The following TNKS2 variants were observed in gnomAD, a reference collection of about 807,000 sequenced individuals.
TNKS2 encodes poly [ADP-ribose] polymerase tankyrase-2.
A neutral mutation model predicts 137.6 loss-of-function variants in TNKS2; 72 were observed. The observed-to-expected ratio is 0.52, with a 90% confidence interval of 0.43 to 0.64. The LOEUF (loss-of-function observed/expected upper bound fraction) is 0.64, where lower values mean the gene tolerates loss of function less well. Among genes scored for constraint, TNKS2 ranks in the 30% least tolerant of loss-of-function variants. The pLI is 0.00. For missense variants in TNKS2, 1,049 were observed against 1,410.2 expected, an observed-to-expected ratio of 0.74 and a Z score of 4.10; for synonymous variants, 516 against 512.1, an observed-to-expected ratio of 1.01 and a Z score of -0.10.
chr10:91,822,501 A>G, intron 7 of TNKS2, 139 bp downstream of exon 7: 1 of 637,002 alleles, frequency 1.6e-6, no homozygotes, highest in Admixed American at 2.8e-5. Context: ...GCATTATAAA[A>G]TATAGGTGAC....
chr10:91,855,250 G>A, intron 22 of TNKS2, 124 bp downstream of exon 22: 1 of 673,090 alleles, frequency 1.5e-6, no homozygotes, highest in Non-Finnish European at 2.6e-6. Flanking sequence ...CTGTTTTCAA[G>A]CTGATTATCT....
intron 1 of TNKS2, chr10:91,812,677 A>G (rs574312416): frequency 1.5e-6 from 1 of 653,070 alleles, no homozygotes; most frequent in African/African-American, 2.0e-5. Context: ...ACTCTATTGT[A>G]GAGTGAGAAA....
At chr10:91,800,181 AGAAG>A (rs1470863184) in intron 1 of TNKS2, among the ~76,000 whole-genome samples, 1 of 152,206 alleles carries the variant, frequency 6.6e-6, no homozygotes, top group Non-Finnish European at 1.5e-5. Context: ...CAATGGAAAG[AGAAG>A]GAAGAATACT....
intron 1 of TNKS2, chr10:91,807,098 G>A (rs1331012094): frequency 6.9e-7 from 1 of 1,455,956 alleles, no homozygotes. Context: ...GTTACATAAA[G>A]TACTTTCTGT....
intron 20 of TNKS2, among the ~76,000 whole-genome samples, chr10:91,850,943 A>C (rs898400125): frequency 2.4e-4 from 36 of 152,270 alleles, no homozygotes; most frequent in Non-Finnish European, 2.9e-4. Context: ...CCATTGAAAG[A>C]CATTATATAA....
chr10:91,848,492 A>C lies in TNKS2; in HGVS notation c.2468A>C (p.Asp823Ala). The C allele has an allele frequency of 6.2e-7, 1 of 1,614,104 alleles. No homozygotes were observed. ...NGVRSPGATA[D>A]ALSSGPSSPS... ...GTGAGAAGCCCAGGAGCCACTGCAG[A>C]TGCTCTCTCTTCAGGTCCATCTAGC... Residue 823 changes from aspartate to alanine, a missense_variant, in exon 19 of 27, where the codon GAT becomes GCT. Transcript: ENST00000371627.
At chr10:91,822,095 A>C (rs1844908572) in intron 6 of TNKS2, among the ~76,000 whole-genome samples, 1 of 152,240 alleles carries the variant, frequency 6.6e-6, no homozygotes, top group Non-Finnish European at 1.5e-5. Flanking sequence ...AGGAACATGG[A>C]TTTGAAAGAG....
At chr10:91,848,767 A>G (rs1406925066) in intron 19 of TNKS2, 132 bp downstream of exon 19, 3 of 1,029,216 alleles carry the variant, frequency 2.9e-6, no homozygotes, top group Non-Finnish European at 4.2e-6. Flanking sequence ...AGCCTTAAAA[A>G]GGTTTAACCT....
intron 7 of TNKS2, 107 bp downstream of exon 7, chr10:91,822,469 A>G: frequency 1.2e-6 from 1 of 827,178 alleles, no homozygotes. Context: ...CTTAGTGCTT[A>G]AAAAAGTAGA....
chr10:91,834,307 G>T (rs1841927122), intron 12 of TNKS2, among the ~76,000 whole-genome samples: 1 of 152,102 alleles, frequency 6.6e-6, no homozygotes, highest in Non-Finnish European at 1.5e-5. Flanking sequence ...AGATAAAATG[G>T]TTGCTATTTA....
chr10:91,819,282 A>T lies in TNKS2; in HGVS notation c.533A>T (p.Lys178Ile). ...TTCTAATTCACAGGTGAATATAAGA[A>T]AGATGAACTCTTAGAAAGTGCCAGG... ...AKAVLTGEYK[K>I]DELLESARSG... The change falls in exon 4 of 27, where the codon AAA (lysine) becomes ATA (isoleucine). Residue 178 changes from lysine (K) to isoleucine (I), a missense_variant. Coordinates refer to ENST00000371627, the MANE Select transcript of TNKS2 (RefSeq NM_025235.4). 1 of 1,460,652 alleles carries T rather than the reference A, an allele frequency of 6.8e-7. No individual in the cohort carries two copies. 90.5% of individuals were successfully genotyped at this position (1,460,652 alleles called of 1,614,324 possible). A position where few individuals can be genotyped will look rare whatever the true frequency, so the allele number is the denominator to read the frequency against.
intron 21 of TNKS2, among the ~76,000 whole-genome samples, chr10:91,853,675 C>T (rs574975155): frequency 1.3e-5 from 2 of 152,334 alleles, no homozygotes; most frequent in African/African-American, 4.8e-5. Context: ...CTCAGTCAAG[C>T]ATTTGTCACA....
intron 1 of TNKS2, among the ~76,000 whole-genome samples, chr10:91,806,360 A>G (rs1844326721): frequency 1.3e-5 from 2 of 152,140 alleles, no homozygotes; most frequent in South Asian, 4.1e-4. Flanking sequence ...GGGGTGTCAC[A>G]GAAGTATGCA....
intron 21 of TNKS2, among the ~76,000 whole-genome samples, chr10:91,851,537 C>A (rs190712522): frequency 6.6e-6 from 1 of 152,240 alleles, no homozygotes; most frequent in Admixed American, 6.5e-5. Context: ...CGATGTGAAC[C>A]TAAGTAAAAT....
At chr10:91,835,278 T>C (rs1408782719) in intron 12 of TNKS2, among the ~76,000 whole-genome samples, 1 of 147,498 alleles carries the variant, frequency 6.8e-6, no homozygotes, top group Non-Finnish European at 1.5e-5. Context: ...CCATTTCTCT[T>C]TTTTTTCTTT....
At chr10:91,849,727 CCTT>C in intron 20 of TNKS2, 133 bp downstream of exon 20, 1 of 661,990 alleles carries the variant, frequency 1.5e-6, no homozygotes, top group Non-Finnish European at 2.4e-6. Context: ...CATCAGTCAG[CCTT>C]CTAATTTGGC....
Position 91,831,159 on chromosome 10 carries a change from TAGTGGTG to T in TNKS2, c.1255_1261del (p.Val419AsnfsTer33). ...AAAGCTCATAATGATGTTGTTGAAG[TAGTGGTG>T]AAACATGAAGCAAAGGTATACTTCC... On this transcript the variant is annotated frameshift_variant, in exon 11 of 27. Coordinates refer to ENST00000371627, the MANE Select transcript of TNKS2 (RefSeq NM_025235.4). LOFTEE classifies it high-confidence loss of function. 1 of 1,613,982 alleles carries T rather than the reference TAGTGGTG, an allele frequency of 6.2e-7. No homozygotes were observed. The highest frequency in any genetic ancestry group is 8.5e-7 in the Non-Finnish European group (1 of 1,179,918).
intron 1 of TNKS2, among the ~76,000 whole-genome samples, chr10:91,803,146 C>T (rs993068272): frequency 4.6e-5 from 7 of 152,198 alleles, no homozygotes; most frequent in Non-Finnish European, 2.9e-5. Flanking sequence ...GGGCAAAGTC[C>T]TCTCCCTTGT....
intron 1 of TNKS2, among the ~76,000 whole-genome samples, chr10:91,810,537 C>T (rs1340095506): frequency 2.0e-5 from 3 of 151,878 alleles, no homozygotes. Flanking sequence ...GAGTCTCACT[C>T]TGTCTCCCAG....
Sources: allele counts gnomAD v4.1 joint callset (sites outside exome capture counted in the v4.1 genomes callset), GRCh38; gene constraint gnomAD v4.1.1; transcripts MANE v1.5; gene names NCBI Gene and HGNC (gene_info 2026-07-23, HGNC 2026-07-21).